TYW1B: variants seen among roughly 807,000 people sequenced by gnomAD.
TYW1B encodes S-adenosyl-L-methionine-dependent tRNA 4-demethylwyosine synthase TYW1B.
TYW1B carries 73 observed loss-of-function variants against 86.9 expected under a neutral mutation model. The ratio of observed to expected loss-of-function variants is 0.84; its 90% CI spans 0.70 to 1.02. The LOEUF (loss-of-function observed/expected upper bound fraction) is 1.02. TYW1B is among the 50% of genes least tolerant of loss of function. The probability of loss-of-function intolerance (pLI) is 0.00; values close to 1 mark genes in which losing one functional copy is unlikely to be tolerated. For synonymous variants in TYW1B, 248 were observed against 292.8 expected (o/e 0.85, Z 1.56); for missense variants, 637 against 827.4 (o/e 0.77, Z 2.82).
intron 7 of TYW1B, among the ~76,000 whole-genome samples, chr7:72,773,679 A>G (rs1375848355): frequency 6.6e-6 from 1 of 152,196 alleles, no homozygotes. Flanking sequence ...CACAAGAGAA[A>G]CACTACCCAA....
At chr7:72,667,945 C>T (rs182643930) in intron 11 of TYW1B, among the ~76,000 whole-genome samples, 7 of 151,650 alleles carry the variant, frequency 4.6e-5, no homozygotes, top group South Asian at 2.1e-4. Flanking sequence ...CACTACTATT[C>T]AAGCCATAAT....
chr7:72,655,249 C>CA (rs1379417355), intron 11 of TYW1B, among the ~76,000 whole-genome samples: 1 of 152,090 alleles, frequency 6.6e-6, no homozygotes, highest in Non-Finnish European at 1.5e-5. Context: ...CCCACATCCC[C>CA]ACCACTGACA....
chr7:72,761,252 A>T (rs181702364), intron 7 of TYW1B, among the ~76,000 whole-genome samples: 1 of 152,176 alleles, frequency 6.6e-6, no homozygotes, highest in African/African-American at 2.4e-5. Context: ...GTTCTCATCT[A>T]TAAAACAGTT....
At chr7:72,607,634 T>G (rs187643898) in intron 13 of TYW1B, among the ~76,000 whole-genome samples, 27 of 151,914 alleles carry the variant, frequency 1.8e-4, no homozygotes, top group Non-Finnish European at 3.1e-4. Flanking sequence ...AATGAATCAA[T>G]CTAAAGTTAG....
rs1330890063 is a variant in TYW1B at position 72,769,128 on chromosome 7, T to G, written c.964+8288A>C. 24 of 436,304 alleles carry G rather than the reference T, an allele frequency of 5.5e-5. No homozygotes were observed. In the Admixed American group the frequency reaches 7.8e-4, roughly 14 times the overall value. The allele number at this position is 436,304 out of a possible 1,614,324, so 27.0% of individuals were successfully genotyped here. A position where few individuals can be genotyped will look rare whatever the true frequency, so the allele number is the denominator to read the frequency against. On this transcript the variant is annotated intron_variant, in intron 7 of 13. Coordinates refer to ENST00000620995, the MANE Select transcript of TYW1B (RefSeq NM_001145440.3). ...AGTTTGGCATGGTAAGCGAGGATGCTTTCATCTCTGTGTTGCCATTCATGT... is the reference window on the plus strand; with the variant it reads ...AGTTTGGCATGGTAAGCGAGGATGCGTTCATCTCTGTGTTGCCATTCATGT...
chr7:72,632,003 G>A (rs1554439843), intron 11 of TYW1B, among the ~76,000 whole-genome samples: 1 of 151,812 alleles, frequency 6.6e-6, no homozygotes, highest in African/African-American at 2.4e-5. Context: ...ATTATGAAAT[G>A]CCTAGTGTTT....
chr7:72,778,278 A>G (rs1787991478), intron 6 of TYW1B, among the ~76,000 whole-genome samples: 1 of 152,198 alleles, frequency 6.6e-6, no homozygotes, highest in African/African-American at 2.4e-5. Context: ...AAATAAAATC[A>G]CAACACAACA....
intron 13 of TYW1B, 60 bp from the exon 14 acceptor site, chr7:72,575,779 A>T (rs141509781): frequency 0.043 from 67,280 of 1,578,554 alleles, 1,698 homozygotes; most frequent in Non-Finnish European, 0.048. Flanking sequence ...AAAAAAATGA[A>T]TGTTTTTAAA....
intron 7 of TYW1B, among the ~76,000 whole-genome samples, chr7:72,753,749 G>A (rs1787541013): frequency 1.3e-5 from 2 of 152,112 alleles, no homozygotes; most frequent in Admixed American, 1.3e-4. Flanking sequence ...AAAGTGCTGA[G>A]ATTACAGGCG....
At chr7:72,668,076 C>T (rs34023568) in intron 11 of TYW1B, among the ~76,000 whole-genome samples, 23 of 152,262 alleles carry the variant, frequency 1.5e-4, no homozygotes, top group African/African-American at 5.1e-4. Context: ...ATCTAGGCCT[C>T]GGAGTCCTAG....
At chr7:72,794,587 G>A (rs576685685) in intron 6 of TYW1B, among the ~76,000 whole-genome samples, 10 of 151,976 alleles carry the variant, frequency 6.6e-5, no homozygotes, top group South Asian at 2.1e-4. Flanking sequence ...CTCTGCTGCC[G>A]GAAAATGGGC....
chr7:72,731,920 A>G (rs1787119618), intron 8 of TYW1B, among the ~76,000 whole-genome samples: 1 of 152,194 alleles, frequency 6.6e-6, no homozygotes. Flanking sequence ...AGCCTGGGCA[A>G]CAGAGCAGGA....
chr7:72,787,207 A>C (rs1788143958), intron 6 of TYW1B, among the ~76,000 whole-genome samples: 1 of 152,194 alleles, frequency 6.6e-6, no homozygotes, highest in South Asian at 2.1e-4. Flanking sequence ...CCCGGTGGCT[A>C]TCCTAGCACT....
At chr7:72,590,017 T>C (rs1405222891) in intron 13 of TYW1B, among the ~76,000 whole-genome samples, 25 of 152,316 alleles carry the variant, frequency 1.6e-4, no homozygotes, top group African/African-American at 5.8e-4. Flanking sequence ...AAGTATAAAT[T>C]TTAAAAATAT....
At chr7:72,669,108 G>A (rs1332968666) in intron 11 of TYW1B, among the ~76,000 whole-genome samples, 1 of 145,802 alleles carries the variant, frequency 6.9e-6, no homozygotes, top group Non-Finnish European at 1.5e-5. Flanking sequence ...ATTCTAAGAG[G>A]CAAACAACCA....
chr7:72,627,476 A>G (rs1812375029), intron 12 of TYW1B, among the ~76,000 whole-genome samples: 2 of 148,102 alleles, frequency 1.4e-5, no homozygotes, highest in African/African-American at 5.0e-5. Context: ...ATAACATAAC[A>G]TAACATAACA....
intron 2 of TYW1B, among the ~76,000 whole-genome samples, chr7:72,820,087 C>G (rs1489450827): frequency 6.6e-6 from 1 of 152,024 alleles, no homozygotes; most frequent in Non-Finnish European, 1.5e-5. Context: ...CCAGCCTGAC[C>G]AACATGGTGA....
rs1233740172 is a variant in TYW1B, at chr7:72,744,603, T to C, written c.965-2A>G. The C allele has an allele frequency of 1.9e-6, 3 of 1,613,558 alleles. No individual in the cohort carries two copies. Among genetic ancestry groups the C allele is most frequent in the African/African-American group, 1.3e-5 (1 of 74,892 alleles). On this transcript the variant is annotated splice_acceptor_variant, in intron 7 of 13. Transcript: ENST00000620995. LOFTEE classifies it high-confidence loss of function. Reference sequence around the variant, plus strand: ...AGCTCCTCTCCCTCGGAGCATCGACTATGACAAGTAAACAAATCACAATTT... The same window carrying C: ...AGCTCCTCTCCCTCGGAGCATCGACCATGACAAGTAAACAAATCACAATTT...
chr7:72,708,971 A>G (rs1418208754), intron 10 of TYW1B, among the ~76,000 whole-genome samples: 3 of 152,290 alleles, frequency 2.0e-5, no homozygotes, highest in East Asian at 1.9e-4. Context: ...CTTTCATTGG[A>G]AAAATGTGGG....
Sources: gnomAD v4.1 joint callset for allele counts (sites outside exome capture counted in the v4.1 genomes callset) on GRCh38, gnomAD v4.1.1 for gene constraint, MANE v1.5 for transcripts, NCBI Gene and HGNC (gene_info 2026-07-23, HGNC 2026-07-21) for gene names.